The following NUTM2G variants were observed in gnomAD, a reference collection of about 807,000 sequenced individuals.
NUTM2G encodes the protein NUT family member 2G.
A neutral mutation model predicts 44.3 loss-of-function variants in NUTM2G; 29 were observed. The ratio of observed to expected loss-of-function variants is 0.66; its 90% confidence interval spans 0.49 to 0.89. The LOEUF (loss-of-function observed/expected upper bound fraction) is 0.89. Ranked by LOEUF, NUTM2G falls within the 40% of genes least tolerant of loss-of-function variation. The pLI, the probability that NUTM2G is intolerant of heterozygous loss-of-function variation, is 0.00. For synonymous variants in NUTM2G, 205 were observed against 395.9 expected (o/e 0.52, Z 5.72); for missense variants, 502 against 946.5 (o/e 0.53, Z 6.16).
At chr9:96,931,288 C>T (rs1410241236) in intron 1 of NUTM2G, among the ~76,000 whole-genome samples, 2 of 151,058 alleles carry the variant, frequency 1.3e-5, no homozygotes, top group Non-Finnish European at 3.0e-5. Flanking sequence ...CCATAATATT[C>T]GGAAACTTCT....
At chr9:96,929,864 C>A (rs1486971340) in intron 1 of NUTM2G, among the ~76,000 whole-genome samples, 359 of 149,726 alleles carry the variant, frequency 2.4e-3, no homozygotes, top group African/African-American at 8.7e-3. Context: ...ACCTCATGAA[C>A]GGGCGACAGG....
At chr9:96,942,124 GAAGAAGCCATGGCCTCCT>G (rs892723678), downstream of NUTM2G, among the ~76,000 whole-genome samples, 25 of 151,826 alleles carry the variant, frequency 1.6e-4, no homozygotes, top group Admixed American at 6.6e-5. Flanking sequence ...ACAGATCCCT[GAAGAAGCCATGGCCTCCT>G]GAGAAACTCC....
rs1250487367 is a variant in NUTM2G, at chr9:96,937,335, G to A, written c.1254G>A (p.Gly418=). The change falls in exon 5 of 7, where the codon GGG becomes GGA. Residue 418 remains glycine (G), a synonymous_variant. Coordinates refer to ENST00000372322, the MANE Select transcript of NUTM2G (RefSeq NM_001170741.3). ...TGGAGCAGCCGCAGGAAGAGGACGG[G>A]ATGACCTCAGACCCGGGCCTCCTGA... The part of the protein sequence containing the change: ...GKVEQPQEED[G]MTSDPGLLSY... The A allele has an allele frequency of 6.8e-6, 11 of 1,613,838 alleles. No homozygotes were observed. In the East Asian group the frequency reaches 2.5e-4, roughly 36 times the overall value.
Position 96,936,619 on chromosome 9 carries a change from G to A in NUTM2G, c.982+55G>A, listed in dbSNP as rs1826441395. On this transcript the variant is annotated intron_variant, in intron 4 of 6. Transcript: ENST00000372322. Reference sequence around the variant, plus strand: ...ATGGCAAAGGCCAAAGGGGCCAAGGGAGGCCACTGTCCCCACATCCCATGC... The same window carrying A: ...ATGGCAAAGGCCAAAGGGGCCAAGGAAGGCCACTGTCCCCACATCCCATGC... The A allele has an allele frequency of 2.0e-6, 3 of 1,530,928 alleles. No homozygotes were observed. In the Admixed American group the frequency reaches 5.9e-5, roughly 30 times the overall value. 94.8% of individuals were successfully genotyped at this position (1,530,928 alleles called of 1,614,324 possible).
In NUTM2G at chr9:96,937,283, C is replaced by T. The variant is rs369907174; in HGVS notation, c.1202C>T (p.Pro401Leu). 4.3e-6 allele frequency: 7 copies of T among 1,613,714 alleles called. No individual in the cohort carries two copies. The highest frequency in any genetic ancestry group is 5.9e-6 in the Non-Finnish European group (7 of 1,179,830). Residue 401 changes from proline to leucine, a missense_variant, in exon 5 of 7, where the codon CCT becomes CTT. By Grantham distance (98) the Pro-to-Leu change is moderately conservative. Transcript: ENST00000372322. ...LGSHPGDTGE[P>L]EGQREKGKVE... ...TCTCACCCTGGGGACACAGGGGAGC[C>T]TGAGGGACAACGGGAAAAGGGCAAA...
chr9:96,936,411 T>A lies in NUTM2G; in HGVS notation c.843-14T>A, dbSNP rs754490422. ...GGACCCTCTCAGCACAGCCTGGGCC[T>A]CCTTCACCCCCAGGTTCCTGGAGTT... is the stretch of plus-strand genomic sequence containing the variant. On this transcript the variant is annotated splice_polypyrimidine_tract_variant and intron_variant, in intron 3 of 6. Coordinates refer to ENST00000372322, the MANE Select transcript of NUTM2G (RefSeq NM_001170741.3). 19 of 1,572,180 alleles carry A rather than the reference T, an allele frequency of 1.2e-5. No homozygotes were observed. The Admixed American group carries it at 2.3e-4, about 19-fold the overall frequency.
Position 96,937,089 on chromosome 9 carries a change from C to G in NUTM2G, c.1008C>G (p.Pro336=). 6.2e-7 allele frequency: 1 copy of G among 1,610,064 alleles called. No homozygotes were observed. ...QPVYLPSKDG[P]KAPTACLPPP... ...TGTACCTTCCCAGCAAGGATGGCCCCAAGGCCCCGACTGCCTGCCTGCCAC... is the reference window on the plus strand; with the variant it reads ...TGTACCTTCCCAGCAAGGATGGCCCGAAGGCCCCGACTGCCTGCCTGCCAC... Residue 336 remains proline, a synonymous_variant, in exon 5 of 7, where the codon CCC becomes CCG. Transcript: ENST00000372322.
At chr9:96,929,989 A>G (rs571873929) in intron 1 of NUTM2G, among the ~76,000 whole-genome samples, 400 of 150,968 alleles carry the variant, frequency 2.6e-3, no homozygotes, top group Non-Finnish European at 4.2e-3. Flanking sequence ...TTATTATTCA[A>G]ACTAGGATGT....
chr9:96,937,836 A>G (rs1356091122), intron 5 of NUTM2G, 49 bp from the exon 6 acceptor site: 1 of 1,599,484 alleles, frequency 6.3e-7, no homozygotes, highest in Admixed American at 1.7e-5. Context: ...CCTTGGCTCC[A>G]GGTTACTCCC....
downstream of NUTM2G, among the ~76,000 whole-genome samples, chr9:96,940,877 G>T (rs1826574346): frequency 6.6e-6 from 1 of 152,266 alleles, no homozygotes; most frequent in Non-Finnish European, 1.5e-5. Flanking sequence ...TCGGAGGCCT[G>T]CCACCCGCTT....
chr9:96,938,048 G>A (rs1826499664), intron 6 of NUTM2G, 47 bp downstream of exon 6: 11 of 1,611,236 alleles, frequency 6.8e-6, no homozygotes, highest in East Asian at 2.2e-5. Context: ...GGGGCAGGAG[G>A]GACCCGGCAC....
Position 96,938,888 on chromosome 9 carries a change from A to T in NUTM2G, c.1965A>T (p.Arg655Ser), listed in dbSNP as rs1198582503. The T allele has an allele frequency of 6.3e-7, 1 of 1,578,850 alleles. No individual in the cohort carries two copies. The highest frequency in any genetic ancestry group is 8.5e-7 in the Non-Finnish European group (1 of 1,172,252). ...CGGGCCTTCTCAGCCCAGGAGGGAG[A>T]GGACCCCAGGGAGCTCTTCAATCTC... is the stretch of plus-strand genomic sequence containing the variant. ...PSSGLLSPGGRGPQGALQSPS... is the reference protein window; with the variant it reads ...PSSGLLSPGGSGPQGALQSPS... Residue 655 changes from arginine (R) to serine (S), a missense_variant, in exon 7 of 7, where the codon AGA becomes AGT. By Grantham distance (110) the Arg-to-Ser change is moderately radical. Transcript: ENST00000372322.
chr9:96,937,755 G>A (rs975902430), intron 5 of NUTM2G, 130 bp from the exon 6 acceptor site: 35 of 1,187,910 alleles, frequency 2.9e-5, no homozygotes, highest in African/African-American at 2.8e-4. Context: ...GCTGGTGGTC[G>A]CCATGATATG....
Position 96,936,564 on chromosome 9 carries a change from G to A in NUTM2G, c.982G>A (p.Val328Met). 6.4e-7 allele frequency: 1 copy of A among 1,551,586 alleles called. No homozygotes were observed. The highest frequency in any genetic ancestry group is 8.6e-7 in the Non-Finnish European group (1 of 1,156,108). Reference protein sequence around the residue: ...PPAPEVVKQPVYLPSKDGPKA... With the variant: ...PPAPEVVKQPMYLPSKDGPKA... ...TGCCCCTGAGGTGGTCAAGCAGCCAGGTACAGCTTCCCACATTCCCACAGG... is the reference window on the plus strand; with the variant it reads ...TGCCCCTGAGGTGGTCAAGCAGCCAAGTACAGCTTCCCACATTCCCACAGG... Residue 328 changes from valine to methionine, a missense_variant and splice_region_variant, in exon 4 of 7, where the codon GTG becomes ATG. Val to Met is a conservative substitution (Grantham distance 21, BLOSUM62 1). Transcript: ENST00000372322.
Position 96,936,353 on chromosome 9 carries a change from CG to C in NUTM2G, c.843-70del, listed in dbSNP as rs770562562. ...AGGCACTCCCTCCCATCCCTGCCCTCGGCTGCTGCCTGGTCCTGGGGGGAGG... is the reference window on the plus strand; with the variant it reads ...AGGCACTCCCTCCCATCCCTGCCCTCGCTGCTGCCTGGTCCTGGGGGGAGG... On this transcript the variant is annotated intron_variant, in intron 3 of 6. Coordinates refer to ENST00000372322, the MANE Select transcript of NUTM2G (RefSeq NM_001170741.3). 81 of 1,537,474 alleles carry C rather than the reference CG, an allele frequency of 5.3e-5. No individual in the cohort carries two copies. The Middle Eastern group carries it at 1.1e-3, about 22-fold the overall frequency.
Position 96,936,438 on chromosome 9 carries a change from G to A in NUTM2G, c.856G>A (p.Glu286Lys). 1.3e-6 allele frequency: 2 copies of A among 1,579,468 alleles called. No homozygotes were observed. The highest frequency in any genetic ancestry group is 1.1e-5 in the South Asian group (1 of 87,818). ...CTTCACCCCCAGGTTCCTGGAGTTTGAGGCTGAGGAGGAGATGCAGATTCA... is the reference window on the plus strand; with the variant it reads ...CTTCACCCCCAGGTTCCTGGAGTTTAAGGCTGAGGAGGAGATGCAGATTCA... ...YEMAAKFLEF[E>K]AEEEMQIQKS... Residue 286 changes from glutamate (E) to lysine (K), a missense_variant, in exon 4 of 7, where the codon GAG (glutamate) becomes AAG (lysine). Transcript: ENST00000372322.
intron 5 of NUTM2G, 136 bp downstream of exon 5, chr9:96,937,540 G>A: frequency 1.3e-6 from 1 of 764,416 alleles, no homozygotes; most frequent in East Asian, 2.7e-5. Flanking sequence ...GTATGTGACT[G>A]TGTGTGTCTG....
intron 2 of NUTM2G, among the ~76,000 whole-genome samples, chr9:96,934,961 C>T (rs1374066041): frequency 6.6e-6 from 1 of 151,958 alleles, no homozygotes; most frequent in African/African-American, 2.4e-5. Flanking sequence ...AGCTCGGATT[C>T]CATGACTGGG....
At chr9:96,932,982 T>TCTTTTC (rs542861634) in intron 2 of NUTM2G, among the ~76,000 whole-genome samples, 1 of 147,498 alleles carries the variant, frequency 6.8e-6, no homozygotes, top group African/African-American at 2.5e-5. Context: ...TCTTTTCTTT[T>TCTTTTC]TTTTTTTTTT....
Sources: allele counts gnomAD v4.1 joint callset (sites outside exome capture counted in the v4.1 genomes callset), GRCh38; gene constraint gnomAD v4.1.1; transcripts MANE v1.5; gene names NCBI Gene and HGNC (gene_info 2026-07-23, HGNC 2026-07-21).